Variants in PCDHGA1 observed in about 807,000 individuals in gnomAD.
PCDHGA1 encodes the protein protocadherin gamma subfamily A, 1.
In PCDHGA1, 32 loss-of-function variants were observed where a neutral mutation model predicts 58.0. The observed-to-expected ratio is 0.55, with a 90% CI of 0.42 to 0.74. The LOEUF (loss-of-function observed/expected upper bound fraction) is 0.74, where lower values mean the gene tolerates loss of function less well. Ranked by LOEUF, PCDHGA1 falls within the 30% of genes least tolerant of loss-of-function variation. The pLI is 0.00. For synonymous variants in PCDHGA1, 498 were observed against 501.1 expected (o/e 0.99, Z 0.08); for missense variants, 1,205 against 1,182.3 (o/e 1.02, Z -0.28).
chr5:141,419,103 C>A, intron 1 of PCDHGA1: 1 of 1,613,886 alleles, frequency 6.2e-7, no homozygotes, highest in South Asian at 1.1e-5. Flanking sequence ...CGGGAGCAGA[C>A]CCCAGAGTAC....
rs1561869034 is a variant in PCDHGA1 at position 141,433,357 on chromosome 5, G to GT, written c.2422-61450_2422-61449insT. On this transcript the variant is annotated intron_variant, in intron 1 of 3. Transcript: ENST00000517417. ...TACAGGTGCAAGCCACCTACTGTCT[G>GT]CCTATCTATCTATCTATCTATCTAT... 125 of 569,056 alleles carry GT rather than the reference G, an allele frequency of 2.2e-4. No homozygotes were observed. In the African/African-American group the frequency reaches 2.4e-3, roughly 11 times the overall value. The allele number at this position is 569,056 out of a possible 1,614,324, so 35.3% of individuals were successfully genotyped here. A position where few individuals can be genotyped will look rare whatever the true frequency, so the allele number is the denominator to read the frequency against.
At position 141,346,158 on chromosome 5, in the gene PCDHGA1, A is replaced by T. The variant is rs200127587; in HGVS notation, c.2421+13053A>T. 4.8e-4 allele frequency: 774 copies of T among 1,613,952 alleles called. 3 individuals are homozygous for T. The African/African-American group carries it at 9.3e-3, about 19-fold the overall frequency. On this transcript the variant is annotated intron_variant, in intron 1 of 3. Coordinates refer to ENST00000517417, the MANE Select transcript of PCDHGA1 (RefSeq NM_018912.3). ...CTCCTGCGTCTTCCTGGCCTTCGTC[A>T]TCGTGCTGCTGGCGCTCAGGCTGCG...
chr5:141,357,275 A>G (rs1164189743), intron 1 of PCDHGA1: 3 of 1,613,272 alleles, frequency 1.9e-6, no homozygotes, highest in East Asian at 2.2e-5. Context: ...CTCACACTCT[A>G]TCTCGTGGTG....
chr5:141,343,140 T>C (rs1757258134), intron 1 of PCDHGA1: 2 of 224,170 alleles, frequency 8.9e-6, no homozygotes. Flanking sequence ...ATAATCTCTG[T>C]GAAGGAAGCT....
chr5:141,420,918 C>T (rs2096532512), intron 1 of PCDHGA1: 1 of 331,946 alleles, frequency 3.0e-6, no homozygotes, highest in South Asian at 6.4e-5. Flanking sequence ...GTGTGATTCA[C>T]AAAGGTGAGC....
intron 1 of PCDHGA1, chr5:141,350,482 T>C (rs1758488290): frequency 6.2e-7 from 1 of 1,613,922 alleles, no homozygotes. Context: ...ATTTCAACGT[T>C]AGTTTGGAGA....
rs2097456240 is a variant in PCDHGA1, at chr5:141,432,134, G to T, written c.2422-62673G>T. 3 of 1,613,756 alleles carry T rather than the reference G, an allele frequency of 1.9e-6. No individual in the cohort carries two copies. The highest frequency in any genetic ancestry group is 1.3e-5 in the African/African-American group (1 of 74,800). On this transcript the variant is annotated intron_variant, in intron 1 of 3. Coordinates refer to ENST00000517417, the MANE Select transcript of PCDHGA1 (RefSeq NM_018912.3). This position sits in a 1 kb window ranked among gnomAD's most constrained non-coding sequence, Gnocchi z 6.0. The stretch of plus-strand genomic sequence containing the variant: ...GGTCTTCCCTCAGGCCTCCTATTCC[G>T]CTTATATCCCAGAGAACAATCCCAG...
rs144222319 is a variant in PCDHGA1, at chr5:141,505,519, C to T, written c.2569+38C>T. ...AGTGTGTGTATGGAAGAGTGGGAGACCTGGGGTTCTGGGGTGCATCTCACA... is the reference window on the plus strand; with the variant it reads ...AGTGTGTGTATGGAAGAGTGGGAGATCTGGGGTTCTGGGGTGCATCTCACA... On this transcript the variant is annotated intron_variant, in intron 3 of 3. Coordinates refer to ENST00000517417, the MANE Select transcript of PCDHGA1 (RefSeq NM_018912.3). The T allele has an allele frequency of 1.5e-3, 2,491 of 1,613,690 alleles. 3 individuals carry two copies. The highest frequency in any genetic ancestry group is 2.6e-3 in the Middle Eastern group (16 of 6,060).
chr5:141,510,083 G>A (rs2099879432), intron 3 of PCDHGA1, among the ~76,000 whole-genome samples: 1 of 152,104 alleles, frequency 6.6e-6, no homozygotes, highest in Non-Finnish European at 1.5e-5. Flanking sequence ...CAGAGTGCCT[G>A]GCACACAGTA....
At chr5:141,374,058 C>T in intron 1 of PCDHGA1, 1 of 1,487,942 alleles carries the variant, frequency 6.7e-7, no homozygotes, top group Non-Finnish European at 8.9e-7. Context: ...CTTCTTAATC[C>T]CAGAGAAGTT....
In PCDHGA1 at chr5:141,490,701, C is replaced by T; in HGVS notation, c.2422-4106C>T. On this transcript the variant is annotated intron_variant, in intron 1 of 3. Transcript: ENST00000517417. This position sits in a 1 kb window ranked among gnomAD's most constrained non-coding sequence, Gnocchi z 5.4. Reference sequence around the variant, plus strand: ...CAGATCCAGACACTGGGGATAATGCCCGCCTCACCTACTCCATTGTAGGAA... The same window carrying T: ...CAGATCCAGACACTGGGGATAATGCTCGCCTCACCTACTCCATTGTAGGAA... The T allele has an allele frequency of 6.2e-7, 1 of 1,614,184 alleles. No individual in the cohort carries two copies. The highest frequency in any genetic ancestry group is 8.5e-7 in the Non-Finnish European group (1 of 1,180,008).
intron 1 of PCDHGA1, among the ~76,000 whole-genome samples, chr5:141,465,592 A>G (rs1485357197): frequency 6.6e-6 from 1 of 152,046 alleles, no homozygotes; most frequent in Non-Finnish European, 1.5e-5. Flanking sequence ...TAATAATCAG[A>G]TCTTATCACT....
intron 1 of PCDHGA1, chr5:141,423,556 G>A (rs926962652): frequency 2.5e-6 from 4 of 1,613,550 alleles, no homozygotes; most frequent in African/African-American, 2.7e-5. Flanking sequence ...GCCCAACTAT[G>A]GGGACACGCT....
chr5:141,447,738 A>C (rs1365302023), intron 1 of PCDHGA1, among the ~76,000 whole-genome samples: 7 of 152,216 alleles, frequency 4.6e-5, no homozygotes, highest in Non-Finnish European at 8.8e-5. Context: ...ATTGAACTTA[A>C]GAGTCTTGCA....
Position 141,485,597 on chromosome 5 carries a change from A to G in PCDHGA1, c.2422-9210A>G. On this transcript the variant is annotated intron_variant, in intron 1 of 3. Coordinates refer to ENST00000517417, the MANE Select transcript of PCDHGA1 (RefSeq NM_018912.3). This position sits in a 1 kb window ranked among gnomAD's most constrained non-coding sequence, Gnocchi z 5.7. ...TCCGCGGCAGCAGCTGGACTTGGAA[A>G]TTGGGGAGGCAGCTCCTCCAGGACA... The G allele has an allele frequency of 6.2e-7, 1 of 1,612,468 alleles. No homozygotes were observed. The highest frequency in any genetic ancestry group is 8.5e-7 in the Non-Finnish European group (1 of 1,178,718).
At chr5:141,505,574 C>T (rs1275802375) in intron 3 of PCDHGA1, 93 bp downstream of exon 3, 13 of 1,593,636 alleles carry the variant, frequency 8.2e-6, no homozygotes, top group Non-Finnish European at 1.1e-5. Context: ...GGATGTCAAA[C>T]CTGTGTAGTT....
chr5:141,395,034 G>C, intron 1 of PCDHGA1: 1 of 1,614,150 alleles, frequency 6.2e-7, no homozygotes, highest in South Asian at 1.1e-5. Flanking sequence ...CTCACATTTT[G>C]TGGGTGTTGA....
At chr5:141,417,753 C>T (rs889153718) in intron 1 of PCDHGA1, 3 of 1,431,672 alleles carry the variant, frequency 2.1e-6, no homozygotes, top group African/African-American at 2.9e-5. Flanking sequence ...ATTGCCAGCT[C>T]CGAGACCCGG....
intron 1 of PCDHGA1, chr5:141,423,216 G>A (rs376530221): frequency 1.2e-6 from 2 of 1,613,632 alleles, no homozygotes; most frequent in African/African-American, 2.7e-5. Flanking sequence ...CGCTCACCGT[G>A]GCTGTGGCCG....
Sources: gnomAD v4.1 joint callset for allele counts (sites outside exome capture counted in the v4.1 genomes callset) on GRCh38, gnomAD v4.1.1 for gene constraint, Gnocchi (gnomAD v3.1) non-coding constraint, MANE v1.5 for transcripts, NCBI Gene and HGNC (gene_info 2026-07-23, HGNC 2026-07-21) for gene names.